TRAPPC8: variants seen among roughly 807,000 people sequenced by gnomAD.
TRAPPC8 encodes trafficking protein particle complex subunit 8.
A neutral mutation model predicts 174.3 loss-of-function variants in TRAPPC8; 54 were observed. The observed-to-expected ratio is 0.31, with a 90% CI of 0.25 to 0.39. The LOEUF (loss-of-function observed/expected upper bound fraction) is 0.39. Among genes scored for constraint, TRAPPC8 ranks in the 10% least tolerant of loss-of-function variants. The pLI is 1.00. For synonymous variants in TRAPPC8, 630 were observed against 579.9 expected, an observed-to-expected ratio of 1.09 and a Z score of -1.24; for missense variants, 1,531 against 1,699.1, an observed-to-expected ratio of 0.90 and a Z score of 1.74.
At chr18:31,930,917 A>G (rs966822547) in intron 2 of TRAPPC8, among the ~76,000 whole-genome samples, 1 of 152,196 alleles carries the variant, frequency 6.6e-6, no homozygotes. Context: ...GATTTTACCT[A>G]CCAATCTTGT....
intron 19 of TRAPPC8, among the ~76,000 whole-genome samples, chr18:31,861,960 G>A (rs1025612542): frequency 6.8e-6 from 1 of 146,142 alleles, no homozygotes; most frequent in South Asian, 2.2e-4. Flanking sequence ...GGTGGGGGAG[G>A]AGAGAAAAAA....
intron 2 of TRAPPC8, among the ~76,000 whole-genome samples, chr18:31,929,026 C>CA (rs1312553859): frequency 6.6e-6 from 1 of 151,536 alleles, no homozygotes; most frequent in African/African-American, 2.4e-5. Context: ...TCTAAAAATA[C>CA]AAAAAATTAG....
intron 12 of TRAPPC8, among the ~76,000 whole-genome samples, chr18:31,886,474 T>TTC (rs1383393786): frequency 6.6e-6 from 1 of 152,130 alleles, no homozygotes; most frequent in Non-Finnish European, 1.5e-5. Flanking sequence ...TTCGAATGTG[T>TTC]TCAAGTGGAT....
At position 31,859,581 on chromosome 18, in the gene TRAPPC8, T is replaced by C. The variant is rs553293801; in HGVS notation, c.2746-1599A>G. On this transcript the variant is annotated intron_variant, in intron 19 of 28. Coordinates refer to ENST00000283351, the MANE Select transcript of TRAPPC8 (RefSeq NM_014939.5). ...GTGTGTAAAAACACACTAAAATACA[T>C]AGAGACACCTAGATACCATCAAGAA... Among the ~76,000 whole-genome samples the C allele has an allele frequency of 3.9e-5, 6 of 152,218 alleles. No homozygotes were observed. The South Asian group carries it at 6.2e-4, about 16-fold the overall frequency.
At chr18:31,884,476 G>A (rs1439577093) in intron 12 of TRAPPC8, among the ~76,000 whole-genome samples, 1 of 152,078 alleles carries the variant, frequency 6.6e-6, no homozygotes, top group Non-Finnish European at 1.5e-5. Flanking sequence ...GATAGAGTTT[G>A]GTATTCTTTT....
chr18:31,837,419 G>A (rs1438326017), intron 27 of TRAPPC8, among the ~76,000 whole-genome samples: 2 of 152,208 alleles, frequency 1.3e-5, no homozygotes, highest in Non-Finnish European at 2.9e-5. Flanking sequence ...TTCTATGGCT[G>A]AGCGTGGTGG....
At chr18:31,879,685 T>C (rs188176624) in intron 12 of TRAPPC8, among the ~76,000 whole-genome samples, 28 of 152,120 alleles carry the variant, frequency 1.8e-4, no homozygotes, top group African/African-American at 3.4e-4. Context: ...AATAAAGTTA[T>C]TTGAAAACAC....
intron 5 of TRAPPC8, among the ~76,000 whole-genome samples, chr18:31,911,501 G>A (rs554700542): frequency 6.6e-6 from 1 of 151,472 alleles, no homozygotes; most frequent in Non-Finnish European, 1.5e-5. Context: ...CACTTTGGGA[G>A]GCTGAGGCAG....
intron 12 of TRAPPC8, among the ~76,000 whole-genome samples, chr18:31,888,450 G>C (rs2035817052): frequency 6.6e-6 from 1 of 152,110 alleles, no homozygotes; most frequent in Non-Finnish European, 1.5e-5. Flanking sequence ...GGAGAATTCT[G>C]TTTTATGGCA....
At chr18:31,874,827 T>A in intron 12 of TRAPPC8, 123 bp from the exon 13 acceptor site, 1 of 733,828 alleles carries the variant, frequency 1.4e-6, no homozygotes, top group Non-Finnish European at 2.2e-6. Flanking sequence ...GGGACTGGGA[T>A]AATGAAGAAA....
At chr18:31,921,842 G>A (rs759971710) in intron 2 of TRAPPC8, among the ~76,000 whole-genome samples, 15 of 152,060 alleles carry the variant, frequency 9.9e-5, no homozygotes, top group Non-Finnish European at 1.9e-4. Flanking sequence ...TATATTTAGA[G>A]GAAGAAATGA....
intron 3 of TRAPPC8, 115 bp from the exon 4 acceptor site, chr18:31,916,561 C>T (rs2037155444): frequency 9.0e-7 from 1 of 1,107,978 alleles, no homozygotes; most frequent in East Asian, 2.8e-5. Context: ...GAGACAAAGT[C>T]TCACTCTGTA....
intron 27 of TRAPPC8, among the ~76,000 whole-genome samples, chr18:31,836,279 C>T (rs1415949183): frequency 6.6e-6 from 1 of 152,120 alleles, no homozygotes; most frequent in Admixed American, 6.5e-5. Context: ...TATCCTTGAA[C>T]CTGCCTTGTT....
intron 9 of TRAPPC8, among the ~76,000 whole-genome samples, chr18:31,902,270 G>C (rs1174372881): frequency 6.6e-6 from 1 of 152,238 alleles, no homozygotes; most frequent in Admixed American, 6.5e-5. Context: ...AGCGGGGGTT[G>C]CACTGAGCCG....
Position 31,839,305 on chromosome 18 carries a change from C to A in TRAPPC8, c.3983+7G>T. ...GAAAATTTTGGTAACAAAAATAAAG[C>A]TCAAACCTTTTTTGATGAAATGGAT... On this transcript the variant is annotated splice_region_variant and intron_variant, in intron 27 of 28. Coordinates refer to ENST00000283351, the MANE Select transcript of TRAPPC8 (RefSeq NM_014939.5). 6.3e-7 allele frequency: 1 copy of A among 1,591,098 alleles called. No individual in the cohort carries two copies. The highest frequency in any genetic ancestry group is 1.2e-5 in the South Asian group (1 of 85,532).
chr18:31,831,969 A>C, intron 28 of TRAPPC8, 115 bp downstream of exon 28: 3 of 667,130 alleles, frequency 4.5e-6, no homozygotes, highest in Non-Finnish European at 2.3e-6. Flanking sequence ...TTACCAAACA[A>C]AAAACCAGGA....
rs569517556 is a variant in TRAPPC8, at chr18:31,890,748, C to T, written c.1715G>A (p.Ser572Asn). Residue 572 changes from serine to asparagine, a missense_variant, in exon 12 of 29, where the codon AGT becomes AAT. Coordinates refer to ENST00000283351, the MANE Select transcript of TRAPPC8 (RefSeq NM_014939.5). ...FHMILAGHRFSKAGQKKHALR... is the reference protein window; with the variant it reads ...FHMILAGHRFNKAGQKKHALR... ...AAATGCACTCACCTGCCCTGCTTTA[C>T]TAAATCGATGGCCTGCCAATATCAT... The T allele has an allele frequency of 1.6e-5, 26 of 1,611,006 alleles. No individual in the cohort carries two copies. The South Asian group carries it at 2.6e-4, about 16-fold the overall frequency.
At chr18:31,902,684 G>A (rs991205036) in intron 9 of TRAPPC8, among the ~76,000 whole-genome samples, 5 of 152,130 alleles carry the variant, frequency 3.3e-5, no homozygotes, top group Non-Finnish European at 5.9e-5. Flanking sequence ...ACTGGAGATG[G>A]GGGAGTCAGT....
At chr18:31,841,647 CAT>C (rs1255181469) in intron 26 of TRAPPC8, among the ~76,000 whole-genome samples, 1 of 152,158 alleles carries the variant, frequency 6.6e-6, no homozygotes, top group Non-Finnish European at 1.5e-5. Flanking sequence ...TTCTGCTAAT[CAT>C]ATGACTTAAA....
Sources: allele counts gnomAD v4.1 joint callset (sites outside exome capture counted in the v4.1 genomes callset), GRCh38; gene constraint gnomAD v4.1.1; transcripts MANE v1.5; gene names NCBI Gene and HGNC (gene_info 2026-07-23, HGNC 2026-07-21).